Variants in SH2B3 observed in about 807,000 individuals in gnomAD.
SH2B3 encodes SH2B adapter protein 3.
A neutral mutation model predicts 51.9 loss-of-function variants in SH2B3; 43 were observed. That is an observed-to-expected ratio of 0.83 (90% CI 0.65 to 1.07). The LOEUF is 1.07. SH2B3 is among the 50% of genes least tolerant of loss of function. The probability of loss-of-function intolerance (pLI) is 0.00; values close to 1 mark genes in which losing one functional copy is unlikely to be tolerated. For missense variants in SH2B3, 952 were observed against 834.3 expected (o/e 1.14, Z -1.74); for synonymous variants, 396 against 376.0 (o/e 1.05, Z -0.62).
In SH2B3 at chr12:111,408,521, G is replaced by A. The variant is rs564904596; in HGVS notation, c.-28+2244G>A. Among the ~76,000 whole-genome samples, 4 of 150,654 alleles carry A rather than the reference G, an allele frequency of 2.7e-5. No homozygotes were observed. The East Asian group carries it at 7.9e-4, about 30-fold the overall frequency. ...CTGGGCCCTTGGATTTCTGGCTCCC[G>A]CTGTGCCACCCCCAGACATTCTCCA... On this transcript the variant is annotated intron_variant, in intron 1 of 7. Coordinates refer to ENST00000341259, the MANE Select transcript of SH2B3 (RefSeq NM_005475.3).
At chr12:111,426,896 C>T (rs916785760) in intron 2 of SH2B3, among the ~76,000 whole-genome samples, 2 of 152,024 alleles carry the variant, frequency 1.3e-5, no homozygotes, top group Non-Finnish European at 2.9e-5. Context: ...TCCCAAGGGG[C>T]CCCTAACCCC....
At position 111,412,830 on chromosome 12, in the gene SH2B3, C is replaced by T. The variant is rs926772015; in HGVS notation, c.-27-5289C>T. Among the ~76,000 whole-genome samples, 4 of 152,150 alleles carry T rather than the reference C, an allele frequency of 2.6e-5. No homozygotes were observed. In the East Asian group the frequency reaches 5.8e-4, roughly 22 times the overall value. On this transcript the variant is annotated intron_variant, in intron 1 of 7. Transcript: ENST00000341259. ...AAGCAATCCTCCCGCCTTGGCCTCC[C>T]GAGGTATTGAGATTATAGGTGTGAG...
Position 111,447,013 on chromosome 12 carries a change from C to T in SH2B3, c.906C>T (p.Leu302=). ...EQQLNSWMAE[L]SECTGRGLES... ...AGCTGAATTCATGGATGGCTGAGCT[C>T]TCGGAGTGCACAGGCCGAGGGTGAG... Residue 302 remains leucine (L), a synonymous_variant, in exon 4 of 8, where the codon CTC becomes CTT. Coordinates refer to ENST00000341259, the MANE Select transcript of SH2B3 (RefSeq NM_005475.3). 6.2e-7 allele frequency: 1 copy of T among 1,614,020 alleles called. No individual in the cohort carries two copies. The highest frequency in any genetic ancestry group is 8.5e-7 in the Non-Finnish European group (1 of 1,179,930).
In SH2B3 at chr12:111,409,895, C is replaced by G. The variant is rs1870551863; in HGVS notation, c.-28+3618C>G. On this transcript the variant is annotated intron_variant, in intron 1 of 7. Transcript: ENST00000341259. This position sits in a 1 kb window ranked among gnomAD's most constrained non-coding sequence, Gnocchi z 4.0. Reference sequence around the variant, plus strand: ...GGGAACAGGTCCTCCTGGTGCCCCCCCACTCCCCGCCCCAGCCGGAAACCC... The same window carrying G: ...GGGAACAGGTCCTCCTGGTGCCCCCGCACTCCCCGCCCCAGCCGGAAACCC... Among the ~76,000 whole-genome samples, 2 of 152,200 alleles carry G rather than the reference C, an allele frequency of 1.3e-5. No homozygotes were observed. Among genetic ancestry groups the G allele is most frequent in the Non-Finnish European group, 2.9e-5 (2 of 68,026 alleles).
In SH2B3 at chr12:111,447,452, G is replaced by A; in HGVS notation, c.1144G>A (p.Gly382Ser). ...AGCAGCTCAGCTGGTTCAGCTGCAG[G>A]GCCCTGATGCTCATGGAGTGTTCCT... is the stretch of plus-strand genomic sequence containing the variant. Reference protein sequence around the residue: ...VKAAQLVQLQGPDAHGVFLVR... With the variant: ...VKAAQLVQLQSPDAHGVFLVR... Residue 382 changes from glycine to serine, a missense_variant, in exon 6 of 8, where the codon GGC becomes AGC. Coordinates refer to ENST00000341259, the MANE Select transcript of SH2B3 (RefSeq NM_005475.3). 1 of 1,613,688 alleles carries A rather than the reference G, an allele frequency of 6.2e-7. No homozygotes were observed. Among genetic ancestry groups the A allele is most frequent in the Non-Finnish European group, 8.5e-7 (1 of 1,179,910 alleles).
chr12:111,418,806 A>G lies in SH2B3; in HGVS notation c.661A>G (p.Arg221Gly). 1 of 1,441,336 alleles carries G rather than the reference A, an allele frequency of 6.9e-7. No homozygotes were observed. The highest frequency in any genetic ancestry group is 9.0e-7 in the Non-Finnish European group (1 of 1,109,284). 89.3% of individuals were successfully genotyped at this position (1,441,336 alleles called of 1,614,324 possible). Reference protein sequence around the residue: ...MDSGARWQRGRLALRRAPGPD... With the variant: ...MDSGARWQRGGLALRRAPGPD... The stretch of plus-strand genomic sequence containing the variant: ...CAGCGGGGCACGCTGGCAGCGCGGG[A>G]GGCTGGCGCTGCGCCGGGCCCCGGG... The change falls in exon 2 of 8, where the codon AGG (arginine) becomes GGG (glycine). Residue 221 changes from arginine to glycine, a missense_variant. By Grantham distance (125) the Arg-to-Gly change is moderately radical. Transcript: ENST00000341259. This position sits in a 1 kb window ranked among gnomAD's most constrained non-coding sequence, Gnocchi z 6.7.
chr12:111,446,906 C>T lies in SH2B3; in HGVS notation c.835-36C>T, dbSNP rs781037828. The T allele has an allele frequency of 3.7e-6, 6 of 1,604,426 alleles. No homozygotes were observed. The South Asian group carries it at 5.5e-5, about 15-fold the overall frequency. ...GGGGCAATACAAATACATACACATA[C>T]AGCAGACCCAACCCTGTTCCCTTCC... On this transcript the variant is annotated intron_variant, in intron 3 of 7. Transcript: ENST00000341259.
Position 111,418,442 on chromosome 12 carries a change from G to A in SH2B3, c.297G>A (p.Lys99=), listed in dbSNP as rs1194938341. The A allele has an allele frequency of 7.0e-7, 1 of 1,423,434 alleles. No individual in the cohort carries two copies. The highest frequency in any genetic ancestry group is 9.1e-7 in the Non-Finnish European group (1 of 1,094,720). 88.2% of individuals were successfully genotyped at this position (1,423,434 alleles called of 1,614,324 possible). A position where few individuals can be genotyped will look rare whatever the true frequency, so the allele number is the denominator to read the frequency against. Residue 99 remains lysine, a synonymous_variant, in exon 2 of 8, where the codon AAG becomes AAA. Coordinates refer to ENST00000341259, the MANE Select transcript of SH2B3 (RefSeq NM_005475.3). The surrounding 1 kb of genome is among the most constrained non-coding windows in gnomAD (Gnocchi z 6.7). ...ACACAGGCCGTGGGCCCCCAGCCAA[G>A]GCCGAGGCGTCCCCGGAGCCAGGCC... ...YRDTGRGPPA[K]AEASPEPGPG...
Position 111,446,806 on chromosome 12 carries a change from G to A in SH2B3, c.786G>A (p.Trp262Ter). ...GCTCCAGCATCCAGGAGGTCCGGTG[G>A]TGCACACGGCTTGAGATGCCTGACA... The part of the protein sequence containing the change: ...AACSSIQEVR[W>*]CTRLEMPDNL... Residue 262 changes from tryptophan (W) to a stop codon, truncating the protein, a stop_gained, in exon 3 of 8, where the codon TGG becomes TGA. Transcript: ENST00000341259. LOFTEE classifies it high-confidence loss of function. 6.3e-7 allele frequency: 1 copy of A among 1,577,104 alleles called. No individual in the cohort carries two copies. The highest frequency in any genetic ancestry group is 8.6e-7 in the Non-Finnish European group (1 of 1,158,636).
At chr12:111,441,917 T>C (rs1873443512) in intron 2 of SH2B3, among the ~76,000 whole-genome samples, 1 of 152,088 alleles carries the variant, frequency 6.6e-6, no homozygotes, top group South Asian at 2.1e-4. Context: ...CTAAAATCAT[T>C]TTTGGAAGAA....
intron 2 of SH2B3, among the ~76,000 whole-genome samples, chr12:111,436,902 G>A (rs1034376781): frequency 6.6e-6 from 1 of 151,208 alleles, no homozygotes; most frequent in Middle Eastern, 3.2e-3. Context: ...CACTTCCCCC[G>A]CCCCCCTCCC....
rs1874373130 is a variant in SH2B3 at position 111,449,330 on chromosome 12, C to T, written c.*1028C>T. The T allele has an allele frequency of 2.6e-5, 4 of 152,196 alleles. No individual in the cohort carries two copies. Among genetic ancestry groups the T allele is most frequent in the Admixed American group, 2.6e-4 (4 of 15,282 alleles). The allele number at this position is 152,196 out of a possible 1,614,324, so 9.4% of individuals were successfully genotyped here. On this transcript the variant is annotated 3_prime_UTR_variant, in exon 8 of 8. Coordinates refer to ENST00000341259, the MANE Select transcript of SH2B3 (RefSeq NM_005475.3). ...CAAGGCTGGCTTGGTGCCCTCCAAG[C>T]ATCTAATGGCTTATTAAATTATCCC...
chr12:111,418,367 C>T lies in SH2B3; in HGVS notation c.222C>T (p.Tyr74=), dbSNP rs1213785464. Residue 74 remains tyrosine (Y), a synonymous_variant, in exon 2 of 8, where the codon TAC becomes TAT. Coordinates refer to ENST00000341259, the MANE Select transcript of SH2B3 (RefSeq NM_005475.3). The surrounding 1 kb of genome is among the most constrained non-coding windows in gnomAD (Gnocchi z 6.7). ...AGTTCACCGACCTCTTCCAGCGCTA[C>T]TTCTGCCGCGAGGTGCGCGACGGAC... is the stretch of plus-strand genomic sequence containing the variant. ...SLQFTDLFQR[Y]FCREVRDGRA... is the part of the protein sequence containing the mutation. 3.0e-5 allele frequency: 45 copies of T among 1,519,422 alleles called. No homozygotes were observed. The highest frequency in any genetic ancestry group is 1.9e-4 in the South Asian group (16 of 82,602). The allele number at this position is 1,519,422 out of a possible 1,614,324, so 94.1% of individuals were successfully genotyped here.
At chr12:111,437,981 G>T (rs1219832574) in intron 2 of SH2B3, among the ~76,000 whole-genome samples, 1 of 152,228 alleles carries the variant, frequency 6.6e-6, no homozygotes, top group African/African-American at 2.4e-5. Context: ...CAGTCAGATG[G>T]TGGAGGCAGT....
chr12:111,436,216 G>A (rs1329430734), intron 2 of SH2B3, among the ~76,000 whole-genome samples: 1 of 152,214 alleles, frequency 6.6e-6, no homozygotes, highest in Non-Finnish European at 1.5e-5. Flanking sequence ...CAGCTTGAGT[G>A]AAGGTGTGGA....
At position 111,447,759 on chromosome 12, in the gene SH2B3, C is replaced by T; in HGVS notation, c.1340C>T (p.Pro447Leu). 1 of 1,614,168 alleles carries T rather than the reference C, an allele frequency of 6.2e-7. No homozygotes were observed. The highest frequency in any genetic ancestry group is 8.5e-7 in the Non-Finnish European group (1 of 1,180,026). Residue 447 changes from proline to leucine, a missense_variant, in exon 7 of 8, where the codon CCA becomes CTA. Pro to Leu is a moderately conservative substitution (Grantham distance 98). Coordinates refer to ENST00000341259, the MANE Select transcript of SH2B3 (RefSeq NM_005475.3). ...MLHHFQRSPI[P>L]LECGAACDVR... ...CACCACTTCCAGCGCTCGCCCATCC[C>T]ACTCGAGTGCGGCGCCGCCTGTGAT...
chr12:111,447,262 G>A (rs1232551585), intron 5 of SH2B3, 43 bp downstream of exon 5: 1 of 1,578,316 alleles, frequency 6.3e-7, no homozygotes, highest in African/African-American at 1.3e-5. Flanking sequence ...TGGGTACGCT[G>A]GAACCCAGAC....
rs2135589581 is a variant in SH2B3, at chr12:111,438,910, C to T, written c.733-7843C>T. Among the ~76,000 whole-genome samples the T allele has an allele frequency of 6.6e-6, 1 of 152,254 alleles. No homozygotes were observed. The highest frequency in any genetic ancestry group is 1.9e-4 in the East Asian group (1 of 5,182). ...TGGATCAGAGCGAGGGAGGGAGGCC[C>T]AAGAGGCTGAGGAGGTAACAAGGGT... On this transcript the variant is annotated intron_variant, in intron 2 of 7. Transcript: ENST00000341259. This position sits in a 1 kb window ranked among gnomAD's most constrained non-coding sequence, Gnocchi z 4.2.
At chr12:111,426,655 G>T (rs1440371057) in intron 2 of SH2B3, among the ~76,000 whole-genome samples, 1 of 152,150 alleles carries the variant, frequency 6.6e-6, no homozygotes, top group East Asian at 1.9e-4. Context: ...CAAGTACGTA[G>T]CATGCCACAG....
Sources: allele counts gnomAD v4.1 joint callset (sites outside exome capture counted in the v4.1 genomes callset), GRCh38; gene constraint gnomAD v4.1.1; non-coding constraint Gnocchi (gnomAD v3.1); transcripts MANE v1.5; gene names NCBI Gene and HGNC (gene_info 2026-07-23, HGNC 2026-07-21).